Variants in KIF26B observed in about 807,000 individuals in gnomAD.
KIF26B encodes the protein kinesin family member 26B.
KIF26B carries 63 observed loss-of-function variants against 151.2 expected under a neutral mutation model. The observed-to-expected ratio is 0.42, with a 90% CI of 0.34 to 0.51. The LOEUF (loss-of-function observed/expected upper bound fraction) is 0.51. KIF26B is among the 20% of genes least tolerant of loss of function. The probability of loss-of-function intolerance (pLI) is 0.07; values close to 1 mark genes in which losing one functional copy is unlikely to be tolerated. For synonymous variants in KIF26B, 1,357 were observed against 1,262.1 expected, an observed-to-expected ratio of 1.08 and a Z score of -1.59; for missense variants, 2,813 against 2,913.6, an observed-to-expected ratio of 0.97 and a Z score of 0.79.
chr1:245,557,170 T>C (rs1662059363), intron 5 of KIF26B, among the ~76,000 whole-genome samples: 2 of 152,220 alleles, frequency 1.3e-5, no homozygotes, highest in East Asian at 1.9e-4. Flanking sequence ...TTTAAAAATA[T>C]TGTAGAATTC....
chr1:245,575,156 C>T lies in KIF26B; in HGVS notation c.1351-27421C>T, dbSNP rs569013426. On this transcript the variant is annotated intron_variant, in intron 5 of 14. Transcript: ENST00000407071. ...CTGGGATTACAGGCTCAAGCCACCG[C>T]GCCTGGCCTTTTATATCTTTTTCAA... Among the ~76,000 whole-genome samples, 47 of 151,512 alleles carry T rather than the reference C, an allele frequency of 3.1e-4. 1 individual carries two copies. Among genetic ancestry groups the T allele is most frequent in the Middle Eastern group, 6.8e-3 (2 of 292 alleles).
intron 2 of KIF26B, among the ~76,000 whole-genome samples, chr1:245,181,313 G>A (rs1170740069): frequency 3.3e-5 from 5 of 152,236 alleles, no homozygotes; most frequent in African/African-American, 7.2e-5. Context: ...AGAAGGCGGC[G>A]TGTTCTGTTG....
At chr1:245,347,682 C>T (rs1246920105) in intron 2 of KIF26B, among the ~76,000 whole-genome samples, 2 of 152,154 alleles carry the variant, frequency 1.3e-5, no homozygotes, top group African/African-American at 4.8e-5. Context: ...TCTCTGTTTC[C>T]AGTTTCTCAT....
intron 5 of KIF26B, among the ~76,000 whole-genome samples, chr1:245,561,451 C>T (rs146901363): frequency 4.2e-4 from 64 of 152,278 alleles, no homozygotes; most frequent in African/African-American, 1.5e-3. Context: ...CTCTTTGTGA[C>T]AAGAACCGTG....
At chr1:245,565,206 C>T (rs779030193) in intron 5 of KIF26B, among the ~76,000 whole-genome samples, 3 of 152,050 alleles carry the variant, frequency 2.0e-5, no homozygotes, top group Non-Finnish European at 4.4e-5. Context: ...ATAGCGCTGT[C>T]AGGAATGCTC....
intron 7 of KIF26B, among the ~76,000 whole-genome samples, chr1:245,608,329 T>TA (rs1200983586): frequency 6.6e-6 from 1 of 152,210 alleles, no homozygotes; most frequent in East Asian, 1.9e-4. Flanking sequence ...GCCTTGCCCT[T>TA]ACACGCTTGA....
chr1:245,416,614 C>T (rs1267834483), intron 3 of KIF26B, among the ~76,000 whole-genome samples: 1 of 151,970 alleles, frequency 6.6e-6, no homozygotes, highest in African/African-American at 2.4e-5. Flanking sequence ...TAAAAGCATC[C>T]AGCAGAGGAA....
chr1:245,464,259 C>T (rs1659714672), intron 4 of KIF26B, among the ~76,000 whole-genome samples: 1 of 152,196 alleles, frequency 6.6e-6, no homozygotes, highest in African/African-American at 2.4e-5. Flanking sequence ...GTTTTAATAG[C>T]AGTGAGGGGT....
intron 4 of KIF26B, among the ~76,000 whole-genome samples, chr1:245,430,308 C>A (rs936751412): frequency 3.3e-5 from 5 of 151,850 alleles, no homozygotes; most frequent in Non-Finnish European, 5.9e-5. Flanking sequence ...CTTCTACCAC[C>A]ACCCTAATAC....
At chr1:245,446,505 G>A (rs1659253622) in intron 4 of KIF26B, among the ~76,000 whole-genome samples, 1 of 152,164 alleles carries the variant, frequency 6.6e-6, no homozygotes, top group Admixed American at 6.5e-5. Flanking sequence ...GTAGGTGACT[G>A]CTCTACAATA....
intron 5 of KIF26B, among the ~76,000 whole-genome samples, chr1:245,575,839 G>T (rs1435359602): frequency 2.0e-5 from 3 of 152,146 alleles, no homozygotes; most frequent in Non-Finnish European, 4.4e-5. Context: ...CTTCATGAAT[G>T]ACTTCTTGAA....
rs1423218854 is a variant in KIF26B at position 245,318,779 on chromosome 1, T to C, written c.466-48055T>C. Among the ~76,000 whole-genome samples the C allele has an allele frequency of 6.6e-6, 1 of 151,836 alleles. No individual in the cohort carries two copies. The highest frequency in any genetic ancestry group is 1.5e-5 in the Non-Finnish European group (1 of 67,986). ...TGAAATTTCATGAGGCCAGAGTAGG[T>C]CAACAGGGGCTAATGAGACAAGATC... On this transcript the variant is annotated intron_variant, in intron 2 of 14. Transcript: ENST00000407071. The surrounding 1 kb of genome is among the most constrained non-coding windows in gnomAD (Gnocchi z 4.0).
chr1:245,646,905 G>A (rs115802037), intron 10 of KIF26B, among the ~76,000 whole-genome samples: 5 of 151,928 alleles, frequency 3.3e-5, no homozygotes, highest in African/African-American at 9.7e-5. Context: ...AATTACAGCC[G>A]CTCCTATGTC....
In KIF26B at chr1:245,241,900, A is replaced by G. The variant is rs1159513126; in HGVS notation, c.465+85217A>G. On this transcript the variant is annotated intron_variant, in intron 2 of 14. Transcript: ENST00000407071. The surrounding 1 kb of genome is among the most constrained non-coding windows in gnomAD (Gnocchi z 5.0). ...AGGTGGCCTTCAAGGCTCATTCCTG[A>G]CTCACCCAGCCTCATCTCCAGCCAT... Among the ~76,000 whole-genome samples the G allele has an allele frequency of 4.0e-5, 6 of 151,420 alleles. 1 individual carries two copies. The highest frequency in any genetic ancestry group is 7.3e-5 in the African/African-American group (3 of 41,142).
chr1:245,700,458 A>G (rs2044755070), intron 14 of KIF26B, among the ~76,000 whole-genome samples: 1 of 152,072 alleles, frequency 6.6e-6, no homozygotes, highest in African/African-American at 2.4e-5. Flanking sequence ...TTGGGAGGCC[A>G]AGGTGGGCAG....
At chr1:245,479,624 A>T (rs10924208) in intron 4 of KIF26B, among the ~76,000 whole-genome samples, 5,284 of 152,018 alleles carry the variant, frequency 0.035, 261 homozygotes, top group African/African-American at 0.1. Context: ...CATTGTTTCC[A>T]TACAGAGAAT....
intron 4 of KIF26B, among the ~76,000 whole-genome samples, chr1:245,475,004 G>A (rs1056945934): frequency 1.3e-5 from 2 of 151,708 alleles, no homozygotes; most frequent in Admixed American, 1.3e-4. Context: ...AAAATTGGGG[G>A]TATGAAAGGT....
Position 245,684,338 on chromosome 1 carries a change from C to G in KIF26B, c.2364C>G (p.Thr788=). Residue 788 remains threonine, a synonymous_variant, in exon 11 of 15, where the codon ACC becomes ACG. Transcript: ENST00000407071. The part of the protein sequence containing the change: ...ISAAVGSYAE[T]LSTIQIASRV... The stretch of plus-strand genomic sequence containing the variant: ...CCGCGGTCGGGAGCTACGCGGAGAC[C>G]CTGTCCACCATCCAGATTGCATCGA... The G allele has an allele frequency of 1.2e-6, 2 of 1,613,838 alleles. No individual in the cohort carries two copies. Among genetic ancestry groups the G allele is most frequent in the South Asian group, 1.1e-5 (1 of 91,064 alleles).
At chr1:245,156,806 G>A in intron 2 of KIF26B, 123 bp downstream of exon 2, 1 of 539,350 alleles carries the variant, frequency 1.9e-6, no homozygotes, top group Non-Finnish European at 2.9e-6. Flanking sequence ...CCCCGGCGGC[G>A]CTGGGGATGC....
Sources: gnomAD v4.1 joint callset for allele counts (sites outside exome capture counted in the v4.1 genomes callset) on GRCh38, gnomAD v4.1.1 for gene constraint, Gnocchi (gnomAD v3.1) non-coding constraint, MANE v1.5 for transcripts, NCBI Gene and HGNC (gene_info 2026-07-23, HGNC 2026-07-21) for gene names.